Variants in RTTN observed in about 807,000 individuals in gnomAD.
The protein encoded by RTTN is rotatin.
RTTN carries 182 observed loss-of-function variants against 269.2 expected under a neutral mutation model. The ratio of observed to expected loss-of-function variants is 0.68; its 90% CI spans 0.60 to 0.76. The LOEUF (loss-of-function observed/expected upper bound fraction) is 0.76, where lower values mean the gene tolerates loss of function less well. RTTN is among the 30% of genes least tolerant of loss of function. The pLI is 0.00. For synonymous variants in RTTN, 1,006 were observed against 963.5 expected (o/e 1.04, Z -0.82); for missense variants, 2,545 against 2,608.6 (o/e 0.98, Z 0.53).
intron 11 of RTTN, among the ~76,000 whole-genome samples, chr18:70,174,858 T>TA (rs66794784): frequency 0.016 from 2,263 of 143,708 alleles, 22 homozygotes; most frequent in Non-Finnish European, 0.024. Flanking sequence ...TGGTCTCTAC[T>TA]AAAAAAAAAA....
chr18:70,065,791 T>C (rs752353561), intron 35 of RTTN, 38 bp downstream of exon 35: 3 of 1,387,448 alleles, frequency 2.2e-6, no homozygotes, highest in Non-Finnish European at 3.0e-6. Context: ...CTTGTCATTT[T>C]TCTTTTTGAA....
At chr18:70,127,780 C>A (rs1021398121) in intron 24 of RTTN, 39 bp from the exon 25 acceptor site, 14 of 1,539,070 alleles carry the variant, frequency 9.1e-6, no homozygotes, top group Non-Finnish European at 1.2e-5. Context: ...GAACATAAAG[C>A]TATTTAAATA....
intron 48 of RTTN, among the ~76,000 whole-genome samples, chr18:70,004,516 A>C (rs892003645): frequency 1.3e-5 from 2 of 152,176 alleles, no homozygotes; most frequent in Non-Finnish European, 2.9e-5. Flanking sequence ...GAATGCCATT[A>C]ATCTTTTTTT....
intron 14 of RTTN, among the ~76,000 whole-genome samples, chr18:70,155,051 T>C (rs1402974945): frequency 6.6e-6 from 1 of 152,150 alleles, no homozygotes; most frequent in Non-Finnish European, 1.5e-5. Flanking sequence ...CTAACCCCAA[T>C]TAGCCATCAT....
chr18:70,086,726 A>C, intron 31 of RTTN, 42 bp from the exon 32 acceptor site: 1 of 1,103,948 alleles, frequency 9.1e-7, no homozygotes, highest in South Asian at 1.7e-5. Flanking sequence ...AAAAAAAAAA[A>C]AAAAAAAGGT....
chr18:70,180,403 A>G (rs2061396872), intron 10 of RTTN, among the ~76,000 whole-genome samples: 1 of 152,174 alleles, frequency 6.6e-6, no homozygotes, highest in African/African-American at 2.4e-5. Context: ...CCAATCTGGC[A>G]AAACCCAGTC....
intron 43 of RTTN, among the ~76,000 whole-genome samples, chr18:70,028,335 T>C (rs1157255600): frequency 2.0e-5 from 3 of 152,070 alleles, no homozygotes; most frequent in African/African-American, 7.2e-5. Context: ...AACTATCTTC[T>C]CCTTTGAAGC....
Position 70,150,092 on chromosome 18 carries a change from TCAA to T in RTTN, c.2056-8_2056-6del. 6.3e-7 allele frequency: 1 copy of T among 1,589,900 alleles called. No individual in the cohort carries two copies. The highest frequency in any genetic ancestry group is 8.6e-7 in the Non-Finnish European group (1 of 1,158,328). ...GGCCTTGGCAGCAGTGTTCACCTGC[TCAA>T]CAACACAGACCCGATAAACCAGTCA... On this transcript the variant is annotated splice_polypyrimidine_tract_variant and splice_region_variant and intron_variant, in intron 15 of 48. Transcript: ENST00000640769.
intron 32 of RTTN, among the ~76,000 whole-genome samples, chr18:70,078,354 T>C (rs1246096074): frequency 6.6e-6 from 1 of 151,972 alleles, no homozygotes; most frequent in African/African-American, 2.4e-5. Flanking sequence ...GAACTTGTGA[T>C]ATTTATCTCT....
intron 46 of RTTN, chr18:70,008,623 A>G (rs940428478): frequency 2.6e-5 from 4 of 151,902 alleles, no homozygotes; most frequent in Non-Finnish European, 4.4e-5. Flanking sequence ...ACAAGTATCA[A>G]TAGCGAAATC....
At chr18:70,062,048 C>T (rs2058002422) in intron 35 of RTTN, among the ~76,000 whole-genome samples, 1 of 152,260 alleles carries the variant, frequency 6.6e-6, no homozygotes, top group African/African-American at 2.4e-5. Flanking sequence ...ACTAATAATA[C>T]TGCAAAAAAT....
intron 11 of RTTN, among the ~76,000 whole-genome samples, chr18:70,169,631 T>C (rs1368938256): frequency 6.6e-6 from 1 of 152,176 alleles, no homozygotes; most frequent in Non-Finnish European, 1.5e-5. Flanking sequence ...ATATTTTAAA[T>C]AGTTCTAAAA....
intron 21 of RTTN, 102 bp from the exon 22 acceptor site, chr18:70,135,382 T>A: frequency 1.5e-6 from 1 of 663,854 alleles, no homozygotes; most frequent in East Asian, 3.2e-5. Context: ...AAATGCAACA[T>A]AAACCCAGAT....
intron 40 of RTTN, among the ~76,000 whole-genome samples, chr18:70,035,987 C>G (rs1039489286): frequency 6.6e-6 from 1 of 152,118 alleles, no homozygotes; most frequent in African/African-American, 2.4e-5. Flanking sequence ...AAATGCAAAT[C>G]AAAGCCACAG....
At chr18:70,019,906 G>T (rs1285545493) in intron 45 of RTTN, 1 of 152,152 alleles carries the variant, frequency 6.6e-6, no homozygotes, top group African/African-American at 2.4e-5. Context: ...CTCAACTTCT[G>T]CAATTTATCT....
intron 34 of RTTN, among the ~76,000 whole-genome samples, chr18:70,066,478 T>A (rs2058138141): frequency 6.6e-6 from 1 of 152,158 alleles, no homozygotes; most frequent in African/African-American, 2.4e-5. Context: ...CAAGTACAAT[T>A]TCACCTACAG....
Position 70,017,645 on chromosome 18 carries a change from T to C in RTTN, c.6183A>G (p.Leu2061=), listed in dbSNP as rs1042234290. Residue 2061 remains leucine, a synonymous_variant, in exon 46 of 49, where the codon CTA becomes CTG. Coordinates refer to ENST00000640769, the MANE Select transcript of RTTN (RefSeq NM_173630.4). ...KSNFLQNFLS[L]ALPKGGNKHL... ...GTTTATTTCCTCCTTTTGGCAATGC[T>C]AGAGAGAGGAAGTTCTGTAAGAAGT... is the stretch of plus-strand genomic sequence containing the variant. The C allele has an allele frequency of 1.4e-5, 22 of 1,612,916 alleles. No homozygotes were observed. Among genetic ancestry groups the C allele is most frequent in the Non-Finnish European group, 1.8e-5 (21 of 1,179,332 alleles).
intron 38 of RTTN, 80 bp downstream of exon 38, chr18:70,054,051 A>C: frequency 8.3e-7 from 1 of 1,202,358 alleles, no homozygotes; most frequent in Non-Finnish European, 1.2e-6. Context: ...AGTAACCTTC[A>C]AGTGAATATC....
Position 70,030,960 on chromosome 18 carries a change from T to C in RTTN, c.5563A>G (p.Lys1855Glu), listed in dbSNP as rs1457395687. Residue 1855 changes from lysine (K) to glutamate (E), a missense_variant, in exon 41 of 49, where the codon AAA becomes GAA. Transcript: ENST00000640769. ...ILQCYEGKSS[K>E]DILKRVAANA... ...GCAGCTACTCTTTTCAGGATATCTT[T>C]GGAGGATTTCCCTTCATAGCACTGC... The C allele has an allele frequency of 5.0e-6, 8 of 1,613,118 alleles. No individual in the cohort carries two copies. The highest frequency in any genetic ancestry group is 6.8e-6 in the Non-Finnish European group (8 of 1,179,616).
Sources: gnomAD v4.1 joint callset for allele counts (sites outside exome capture counted in the v4.1 genomes callset) on GRCh38, gnomAD v4.1.1 for gene constraint, MANE v1.5 for transcripts, NCBI Gene and HGNC (gene_info 2026-07-23, HGNC 2026-07-21) for gene names.